Variants in CRKL observed in about 807,000 individuals in gnomAD.
The protein encoded by CRKL is CRK like proto-oncogene, adaptor protein.
Under a neutral mutation model 23.0 loss-of-function variants are expected in CRKL, and 3 were observed. The observed-to-expected ratio is 0.13, with a 90% confidence interval of 0.06 to 0.34. The LOEUF (loss-of-function observed/expected upper bound fraction) is 0.34. CRKL is among the 10% of genes least tolerant of loss of function. CRKL has a pLI of 1.00. For missense variants in CRKL, 256 were observed against 394.5 expected, an observed-to-expected ratio of 0.65 and a Z score of 2.97; for synonymous variants, 188 against 160.7, an observed-to-expected ratio of 1.17 and a Z score of -1.28.
chr22:20,917,569 C>T lies in CRKL; in HGVS notation c.-366C>T. 3.2e-6 allele frequency: 1 copy of T among 313,456 alleles called. No homozygotes were observed. The highest frequency in any genetic ancestry group is 8.0e-5 in the South Asian group (1 of 12,534). The allele number at this position is 313,456 out of a possible 1,614,324, so 19.4% of individuals were successfully genotyped here. A position where few individuals can be genotyped will look rare whatever the true frequency, so the allele number is the denominator to read the frequency against. On this transcript the variant is annotated 5_prime_UTR_variant, in exon 1 of 3. Coordinates refer to ENST00000354336, the MANE Select transcript of CRKL (RefSeq NM_005207.4). ...TGTGACGGCGGGGGTCGGTGAAGAC[C>T]CGTCGAGCTGCGGCGCCGGCGCGTT...
At chr22:20,949,512 G>T (rs1922188915) in intron 2 of CRKL, among the ~76,000 whole-genome samples, 199 bp from the exon 3 acceptor site, 1 of 152,226 alleles carries the variant, frequency 6.6e-6, no homozygotes, top group African/African-American at 2.4e-5. Context: ...GGAGGTGGAA[G>T]GATCACTTGA....
chr22:20,952,815 G>A lies in CRKL; in HGVS notation c.*2970G>A, dbSNP rs1922328020. The A allele has an allele frequency of 4.3e-6, 1 of 232,054 alleles. No homozygotes were observed. Among genetic ancestry groups the A allele is most frequent in the Non-Finnish European group, 8.5e-6 (1 of 117,350 alleles). 14.4% of individuals were successfully genotyped at this position (232,054 alleles called of 1,614,324 possible). A position where few individuals can be genotyped will look rare whatever the true frequency, so the allele number is the denominator to read the frequency against. ...CCCGGGAAGGACCTGCGGTACAGGA[G>A]TCAGCCATGTCTGTGCTGTGTGGAA... On this transcript the variant is annotated 3_prime_UTR_variant, in exon 3 of 3. Coordinates refer to ENST00000354336, the MANE Select transcript of CRKL (RefSeq NM_005207.4).
rs1922319002 is a variant in CRKL at position 20,952,606 on chromosome 22, A to G, written c.*2761A>G. 8.6e-6 allele frequency: 2 copies of G among 232,590 alleles called. No homozygotes were observed. The highest frequency in any genetic ancestry group is 6.1e-5 in the East Asian group (1 of 16,488). 14.4% of individuals were successfully genotyped at this position (232,590 alleles called of 1,614,324 possible). A position where few individuals can be genotyped will look rare whatever the true frequency, so the allele number is the denominator to read the frequency against. ...CTGGGTTCCCCACTGGTCTGGGAAGACTGTTGTGCTCCATAGAGCAGTGCA... is the reference window on the plus strand; with the variant it reads ...CTGGGTTCCCCACTGGTCTGGGAAGGCTGTTGTGCTCCATAGAGCAGTGCA... On this transcript the variant is annotated 3_prime_UTR_variant, in exon 3 of 3. Transcript: ENST00000354336.
chr22:20,927,267 T>C (rs1921254963), intron 1 of CRKL, among the ~76,000 whole-genome samples: 1 of 140,910 alleles, frequency 7.1e-6, no homozygotes, highest in African/African-American at 2.7e-5. Flanking sequence ...CTCGGTTCAC[T>C]GCAGTCTCCA....
intron 2 of CRKL, among the ~76,000 whole-genome samples, chr22:20,949,318 G>A (rs1488141613): frequency 6.6e-6 from 1 of 152,078 alleles, no homozygotes; most frequent in Non-Finnish European, 1.5e-5. Context: ...GAAGAGATGA[G>A]GTTTCACCAT....
At chr22:20,928,812 CAAAAAAAA>C (rs57896414) in intron 1 of CRKL, among the ~76,000 whole-genome samples, 14 of 81,570 alleles carry the variant, frequency 1.7e-4, no homozygotes, top group Non-Finnish European at 2.1e-4. Flanking sequence ...GATCCCATCT[CAAAAAAAA>C]AAAAAAAAAA....
At chr22:20,933,434 A>AGG (rs1921535196) in intron 1 of CRKL, among the ~76,000 whole-genome samples, 1 of 151,914 alleles carries the variant, frequency 6.6e-6, no homozygotes, top group South Asian at 2.1e-4. Flanking sequence ...TGGGAGGCCG[A>AGG]GGTGCGTGGA....
intron 1 of CRKL, among the ~76,000 whole-genome samples, chr22:20,931,902 C>G (rs1394372581): frequency 3.3e-5 from 5 of 152,134 alleles, no homozygotes; most frequent in Admixed American, 2.0e-4. Flanking sequence ...AGCTCCGCCT[C>G]CCGGGCTCAC....
intron 1 of CRKL, among the ~76,000 whole-genome samples, chr22:20,931,560 C>G (rs1377841928): frequency 4.6e-5 from 7 of 152,132 alleles, no homozygotes; most frequent in African/African-American, 1.7e-4. Flanking sequence ...ATGCAGGGTT[C>G]GTCCCTAAGG....
intron 2 of CRKL, among the ~76,000 whole-genome samples, chr22:20,941,224 A>G (rs1254149392): frequency 1.3e-5 from 2 of 152,020 alleles, no homozygotes; most frequent in African/African-American, 4.8e-5. Context: ...CACCTTAAGC[A>G]AGAATCTCAG....
At chr22:20,927,828 G>A (rs1284286150) in intron 1 of CRKL, among the ~76,000 whole-genome samples, 1 of 113,504 alleles carries the variant, frequency 8.8e-6, no homozygotes, top group African/African-American at 3.7e-5. Context: ...GGGTAACAGA[G>A]CAAGACTCTG....
chr22:20,932,878 G>A (rs904748820), intron 1 of CRKL, among the ~76,000 whole-genome samples: 2 of 151,398 alleles, frequency 1.3e-5, no homozygotes, highest in African/African-American at 4.9e-5. Context: ...GCAGGAGTTT[G>A]AGACCAGCCT....
chr22:20,949,876 T>G lies in CRKL; in HGVS notation c.*31T>G. ...GTTGCCCTGTTTCCTGCTGCTTTGT[T>G]GTTCTGCCTGTCCTAGTCTCCTTTG... On this transcript the variant is annotated 3_prime_UTR_variant, in exon 3 of 3. Coordinates refer to ENST00000354336, the MANE Select transcript of CRKL (RefSeq NM_005207.4). 1 of 1,593,340 alleles carries G rather than the reference T, an allele frequency of 6.3e-7. No homozygotes were observed. Among genetic ancestry groups the G allele is most frequent in the Non-Finnish European group, 8.5e-7 (1 of 1,171,302 alleles).
intron 1 of CRKL, among the ~76,000 whole-genome samples, chr22:20,926,206 A>G (rs1921196799): frequency 6.6e-6 from 1 of 152,236 alleles, no homozygotes; most frequent in Non-Finnish European, 1.5e-5. Flanking sequence ...AGATAAAGCC[A>G]ACTTGTAAAG....
At chr22:20,919,880 A>G (rs996505694) in intron 1 of CRKL, among the ~76,000 whole-genome samples, 1 of 152,192 alleles carries the variant, frequency 6.6e-6, no homozygotes, top group African/African-American at 2.4e-5. Flanking sequence ...CTACAAGATT[A>G]ACTACTGAAC....
intron 2 of CRKL, among the ~76,000 whole-genome samples, chr22:20,948,027 T>C (rs1922132538): frequency 6.6e-6 from 1 of 152,188 alleles, no homozygotes; most frequent in Non-Finnish European, 1.5e-5. Context: ...CAAAGATTCA[T>C]TGTGTATCCC....
chr22:20,953,660 G>A lies in CRKL; in HGVS notation c.*3815G>A, dbSNP rs1486202191. On this transcript the variant is annotated 3_prime_UTR_variant, in exon 3 of 3. Coordinates refer to ENST00000354336, the MANE Select transcript of CRKL (RefSeq NM_005207.4). ...TTTTTATTTTTGTATTCCGTTTTACGTTACTGGTCCCAGCATCAAAACCCT... is the reference window on the plus strand; with the variant it reads ...TTTTTATTTTTGTATTCCGTTTTACATTACTGGTCCCAGCATCAAAACCCT... 4 of 199,242 alleles carry A rather than the reference G, an allele frequency of 2.0e-5. No homozygotes were observed. The highest frequency in any genetic ancestry group is 1.2e-4 in the Admixed American group (2 of 16,496). The allele number at this position is 199,242 out of a possible 1,614,324, so 12.3% of individuals were successfully genotyped here.
At chr22:20,918,842 G>T (rs1052036300) in intron 1 of CRKL, among the ~76,000 whole-genome samples, 19 of 151,980 alleles carry the variant, frequency 1.3e-4, no homozygotes, top group Non-Finnish European at 2.5e-4. Flanking sequence ...CGCCTGCCTC[G>T]GTCTCCCAAA....
intron 1 of CRKL, 36 bp downstream of exon 1, chr22:20,918,281 C>G (rs1428675888): frequency 1.2e-6 from 2 of 1,603,632 alleles, no homozygotes; most frequent in Non-Finnish European, 1.7e-6. Flanking sequence ...GGAGGAAGGT[C>G]GAGAACCGGG....
Sources: gnomAD v4.1 joint callset for allele counts (sites outside exome capture counted in the v4.1 genomes callset) on GRCh38, gnomAD v4.1.1 for gene constraint, MANE v1.5 for transcripts, NCBI Gene and HGNC (gene_info 2026-07-23, HGNC 2026-07-21) for gene names.